GRK3: variants seen among roughly 807,000 people sequenced by gnomAD.
The protein encoded by GRK3 is G protein-coupled receptor kinase 3, also known as adrenergic, beta, receptor kinase 2.
In GRK3, 54 loss-of-function variants were observed where a neutral mutation model predicts 95.7. The observed-to-expected ratio is 0.56, with a 90% CI of 0.45 to 0.71. GRK3 has a LOEUF of 0.71. Among genes scored for constraint, GRK3 ranks in the 30% least tolerant of loss-of-function variants. GRK3 has a pLI of 0.00. For missense variants in GRK3, 649 were observed against 851.2 expected, an observed-to-expected ratio of 0.76 and a Z score of 2.96; for synonymous variants, 281 against 290.8, an observed-to-expected ratio of 0.97 and a Z score of 0.34.
At chr22:25,676,615 C>T (rs560169831) in intron 8 of GRK3, among the ~76,000 whole-genome samples, 2 of 151,366 alleles carry the variant, frequency 1.3e-5, no homozygotes, top group Non-Finnish European at 2.9e-5. Context: ...TGCTTGAACC[C>T]GGGAGGTGGA....
chr22:25,645,718 C>T (rs1264206231), intron 3 of GRK3, among the ~76,000 whole-genome samples: 1 of 152,020 alleles, frequency 6.6e-6, no homozygotes, highest in Non-Finnish European at 1.5e-5. Flanking sequence ...GTCAGGAGAT[C>T]GAGACCATCC....
At chr22:25,655,514 ACTC>A (rs2084864237) in intron 3 of GRK3, among the ~76,000 whole-genome samples, 2 of 151,604 alleles carry the variant, frequency 1.3e-5, no homozygotes, top group African/African-American at 4.9e-5. Context: ...GTGATGGCTG[ACTC>A]CTCTGATTCT....
In GRK3 at chr22:25,722,380, A is replaced by G. The variant is rs764950310; in HGVS notation, c.1997A>G (p.Asn666Ser). 5.6e-6 allele frequency: 9 copies of G among 1,614,072 alleles called. No individual in the cohort carries two copies. The highest frequency in any genetic ancestry group is 2.7e-5 in the African/African-American group (2 of 74,918). Reference sequence around the variant, plus strand: ...TTGCGTCGTGCCCCGAAGTTCCTCAACAAACCTCGGTCAGGTACTGTGGAG... The same window carrying G: ...TTGCGTCGTGCCCCGAAGTTCCTCAGCAAACCTCGGTCAGGTACTGTGGAG... ...RLLRRAPKFL[N>S]KPRSGTVELP... The change falls in exon 21 of 21, where the codon AAC (asparagine) becomes AGC (serine). Residue 666 changes from asparagine (N) to serine (S), a missense_variant. Coordinates refer to ENST00000324198, the MANE Select transcript of GRK3 (RefSeq NM_005160.4).
chr22:25,627,171 TC>T (rs1378651527), intron 2 of GRK3, among the ~76,000 whole-genome samples: 2 of 152,138 alleles, frequency 1.3e-5, no homozygotes, highest in Non-Finnish European at 2.9e-5. Context: ...TTCTCTAAAA[TC>T]CTCAGAACTG....
intron 1 of GRK3, 39 bp downstream of exon 1, chr22:25,565,192 G>GC: frequency 1.8e-6 from 2 of 1,138,716 alleles, no homozygotes; most frequent in Non-Finnish European, 2.4e-6. Flanking sequence ...CCAAGCCGCC[G>GC]CCCCCTGCGG....
chr22:25,678,193 G>A (rs1305263333), intron 8 of GRK3, among the ~76,000 whole-genome samples: 1 of 152,156 alleles, frequency 6.6e-6, no homozygotes, highest in African/African-American at 2.4e-5. Context: ...GGTGGCTCAT[G>A]CCTGTAATCC....
chr22:25,675,190 G>C (rs1383556277), intron 8 of GRK3, among the ~76,000 whole-genome samples: 1 of 152,134 alleles, frequency 6.6e-6, no homozygotes, highest in Non-Finnish European at 1.5e-5. Context: ...CTTTGCAAAA[G>C]AGAGACATTC....
At chr22:25,639,978 A>T (rs2084730812) in intron 2 of GRK3, among the ~76,000 whole-genome samples, 2 of 152,140 alleles carry the variant, frequency 1.3e-5, no homozygotes, top group Admixed American at 1.3e-4. Flanking sequence ...CTATGAGTTT[A>T]TAGAAATTTC....
At chr22:25,661,408 C>T (rs2084908458) in intron 3 of GRK3, among the ~76,000 whole-genome samples, 168 bp from the exon 4 acceptor site, 1 of 152,108 alleles carries the variant, frequency 6.6e-6, no homozygotes, top group East Asian at 1.9e-4. Context: ...TAAATTATTC[C>T]AACTTCATTA....
intron 1 of GRK3, among the ~76,000 whole-genome samples, chr22:25,575,163 C>G (rs998396319): frequency 2.0e-5 from 3 of 152,172 alleles, no homozygotes; most frequent in Non-Finnish European, 2.9e-5. Context: ...CATTTCTGTC[C>G]TTTAAGTAAG....
At chr22:25,577,699 A>G (rs544940278) in intron 1 of GRK3, among the ~76,000 whole-genome samples, 2 of 152,332 alleles carry the variant, frequency 1.3e-5, no homozygotes, top group African/African-American at 2.4e-5. Context: ...TCAGCAGTAT[A>G]TAGATCTGTT....
At chr22:25,648,621 T>G (rs1488045590) in intron 3 of GRK3, 4 of 1,092,808 alleles carry the variant, frequency 3.7e-6, no homozygotes, top group Non-Finnish European at 5.6e-6. Flanking sequence ...TGCTGTTGTT[T>G]CTGAAGAGCC....
At chr22:25,576,111 C>T (rs1361692526) in intron 1 of GRK3, among the ~76,000 whole-genome samples, 1 of 152,148 alleles carries the variant, frequency 6.6e-6, no homozygotes, top group East Asian at 1.9e-4. Flanking sequence ...CTAGAATGTC[C>T]AGTTTGCTAC....
At chr22:25,652,801 G>C (rs901940604) in intron 3 of GRK3, among the ~76,000 whole-genome samples, 6 of 152,094 alleles carry the variant, frequency 3.9e-5, no homozygotes, top group Non-Finnish European at 8.8e-5. Flanking sequence ...TAAAAGGTAC[G>C]TATATTCAAA....
At chr22:25,711,899 C>T (rs1041120773) in intron 17 of GRK3, among the ~76,000 whole-genome samples, 2 of 152,168 alleles carry the variant, frequency 1.3e-5, no homozygotes, top group African/African-American at 4.8e-5. Context: ...CAGAAGGCTG[C>T]AGCACTATTA....
chr22:25,614,006 C>CA (rs796143373), intron 2 of GRK3, among the ~76,000 whole-genome samples: 40 of 149,280 alleles, frequency 2.7e-4, no homozygotes, highest in African/African-American at 8.3e-4. Context: ...TCGCCCCACC[C>CA]AAAAAAAAAT....
chr22:25,641,463 C>G (rs1210684471), intron 2 of GRK3, among the ~76,000 whole-genome samples: 1 of 152,190 alleles, frequency 6.6e-6, no homozygotes, highest in Admixed American at 6.5e-5. Context: ...AATAAAACAC[C>G]TGTACCCTAT....
chr22:25,656,001 C>G (rs980375290), intron 3 of GRK3, among the ~76,000 whole-genome samples: 2 of 152,186 alleles, frequency 1.3e-5, no homozygotes, highest in African/African-American at 4.8e-5. Flanking sequence ...TTCAACTCTA[C>G]TGCTTACTAG....
chr22:25,594,366 C>A (rs1488833061), intron 1 of GRK3, among the ~76,000 whole-genome samples: 1 of 152,092 alleles, frequency 6.6e-6, no homozygotes, highest in Non-Finnish European at 1.5e-5. Flanking sequence ...GCCAGTATTA[C>A]CCTGATGCCA....
Sources: allele counts gnomAD v4.1 joint callset (sites outside exome capture counted in the v4.1 genomes callset), GRCh38; gene constraint gnomAD v4.1.1; transcripts MANE v1.5; gene names NCBI Gene and HGNC (gene_info 2026-07-23, HGNC 2026-07-21).